RIF1: variants seen among roughly 807,000 people sequenced by gnomAD.
RIF1 encodes replication timing regulatory factor 1.
In RIF1, 45 loss-of-function variants were observed where a neutral mutation model predicts 247.1. The ratio of observed to expected loss-of-function variants is 0.18; its 90% CI spans 0.14 to 0.23. RIF1 has a LOEUF of 0.23. Ranked by LOEUF, RIF1 falls within the 10% of genes least tolerant of loss-of-function variation. RIF1 has a pLI of 1.00. For missense variants in RIF1, 2,967 were observed against 2,862.5 expected (o/e 1.04, Z -0.83); for synonymous variants, 1,087 against 978.8 (o/e 1.11, Z -2.06).
At chr2:151,526,911 T>C in the RIF1 span, 1 of 1,564,210 alleles carries the variant, frequency 6.4e-7, no homozygotes, top group Non-Finnish European at 8.7e-7. Flanking sequence ...AGGAACTAGG[T>C]ACTTACATCA....
At chr2:151,505,777 T>C (rs1458533637) in intron 12 of RIF1, among the ~76,000 whole-genome samples, 1 of 152,196 alleles carries the variant, frequency 6.6e-6, no homozygotes. Flanking sequence ...TGTCTCTCTC[T>C]CGTCTCTTTG....
intron 8 of RIF1, among the ~76,000 whole-genome samples, chr2:151,426,512 ACGAT>A (rs1015944283): frequency 6.6e-6 from 1 of 151,858 alleles, no homozygotes; most frequent in African/African-American, 2.4e-5. Flanking sequence ...TGTGAATTTG[ACGAT>A]CGACTTCTTT....
intron 25 of RIF1, among the ~76,000 whole-genome samples, chr2:151,459,343 A>G (rs1187998142): frequency 1.3e-5 from 2 of 152,238 alleles, no homozygotes; most frequent in Non-Finnish European, 2.9e-5. Flanking sequence ...ATATTTGATT[A>G]CTGCCTGAAG....
intron 10 of RIF1, chr2:151,498,369 C>G (rs1450994315): frequency 6.6e-7 from 1 of 1,509,982 alleles, no homozygotes; most frequent in Non-Finnish European, 9.0e-7. Context: ...GATGAGAAAG[C>G]ATCCAGAACA....
rs199712698 is a variant in RIF1 at position 151,457,896 on chromosome 2, C to G, written c.2788C>G (p.Gln930Glu). 6.2e-7 allele frequency: 1 copy of G among 1,613,830 alleles called. No individual in the cohort carries two copies. The highest frequency in any genetic ancestry group is 8.5e-7 in the Non-Finnish European group (1 of 1,179,872). Residue 930 changes from glutamine (Q) to glutamate (E), a missense_variant, in exon 24 of 36, where the codon CAG (glutamine) becomes GAG (glutamate). This residue lies in a region of RIF1 where 2,028 missense variants were observed against 1,825.6 expected (regional missense o/e 1.11). Transcript: ENST00000444746. Reference sequence around the variant, plus strand: ...GCACAAGAATAAACAGATTCGAAAACAGAGTGCTCAGTTCTGGAATGCCAC... The same window carrying G: ...GCACAAGAATAAACAGATTCGAAAAGAGAGTGCTCAGTTCTGGAATGCCAC... Reference protein sequence around the residue: ...FLHKNKQIRKQSAQFWNATFA... With the variant: ...FLHKNKQIRKESAQFWNATFA...
At chr2:151,427,525 A>AT (rs58446169) in intron 8 of RIF1, among the ~76,000 whole-genome samples, 49,950 of 134,406 alleles carry the variant, frequency 0.37, 8,689 homozygotes, top group African/African-American at 0.42. Context: ...TTTTTTTTTA[A>AT]TTTTTTTTTT....
intron 10 of RIF1, among the ~76,000 whole-genome samples, chr2:151,434,578 C>G (rs1382688369): frequency 3.3e-5 from 5 of 151,344 alleles, no homozygotes; most frequent in African/African-American, 1.2e-4. Flanking sequence ...GTAGCTGGGA[C>G]TACAGGCGCC....
At chr2:151,467,504 C>G (rs888162026) in intron 30 of RIF1, among the ~76,000 whole-genome samples, 2 of 151,972 alleles carry the variant, frequency 1.3e-5, no homozygotes. Flanking sequence ...GCCACTAAGC[C>G]CAGCTAATTT....
At chr2:151,432,998 A>G in intron 9 of RIF1, 79 bp from the exon 10 acceptor site, 1 of 1,100,032 alleles carries the variant, frequency 9.1e-7, no homozygotes, top group Non-Finnish European at 1.3e-6. Flanking sequence ...TGCTGTGATA[A>G]AAGACTGTTG....
At chr2:151,521,135 C>G in the RIF1 span, among the ~76,000 whole-genome samples, 2 of 152,104 alleles carry the variant, frequency 1.3e-5, no homozygotes, top group Non-Finnish European at 2.9e-5. Flanking sequence ...ACCAGTACCC[C>G]TCATGGTTCA....
chr2:151,524,654 C>CTTTTTTTTT, the RIF1 span: 35 of 257,382 alleles, frequency 1.4e-4, no homozygotes, highest in South Asian at 3.9e-4. Flanking sequence ...AAGAGAGAGG[C>CTTTTTTTTT]TTTTTTTTTT....
At chr2:151,522,291 T>C in the RIF1 span, among the ~76,000 whole-genome samples, 2 of 152,202 alleles carry the variant, frequency 1.3e-5, no homozygotes, top group Non-Finnish European at 2.9e-5. Flanking sequence ...ATTAAAAGTT[T>C]ATACTGTTGA....
chr2:151,492,399 C>T, intron 9 of RIF1: 1 of 1,604,272 alleles, frequency 6.2e-7, no homozygotes, highest in Middle Eastern at 1.7e-4. Flanking sequence ...TTGAGATGTG[C>T]CGTTGGGTCT....
At chr2:151,453,919 T>C (rs1471641864) in intron 21 of RIF1, among the ~76,000 whole-genome samples, 2 of 152,244 alleles carry the variant, frequency 1.3e-5, no homozygotes, top group Non-Finnish European at 2.9e-5. Context: ...TTTTCTCTAC[T>C]GTCTCTAATA....
Position 151,463,883 on chromosome 2 carries a change from C to CCAT in RIF1, c.4364_4366dup (p.Pro1455_Leu1456insSer). Reference sequence around the variant, plus strand: ...AGAAGAAAAACCTCTTCAGAAGAGTCCATTGCATATAAAAGATGATGTGTT... The same window carrying CCAT: ...AGAAGAAAAACCTCTTCAGAAGAGTCCATCATTGCATATAAAAGATGATGTGTT... On this transcript the variant is annotated inframe_insertion, in exon 30 of 36. Coordinates refer to ENST00000444746, the MANE Select transcript of RIF1 (RefSeq NM_018151.5). 6.2e-7 allele frequency: 1 copy of CCAT among 1,613,444 alleles called. No homozygotes were observed. The highest frequency in any genetic ancestry group is 8.5e-7 in the Non-Finnish European group (1 of 1,179,886).
chr2:151,507,800 G>GT, exon 14 of RIF1: 1 of 536,170 alleles, frequency 1.9e-6, no homozygotes, highest in Non-Finnish European at 3.3e-6. Context: ...CACCAACGAA[G>GT]TAACAGATGA....
the RIF1 span, chr2:151,525,141 A>G: frequency 6.5e-7 from 1 of 1,542,922 alleles, no homozygotes; most frequent in South Asian, 1.1e-5. Context: ...GGCCCCCAAG[A>G]GTGTTGAGAG....
chr2:151,414,757 T>C, intron 3 of RIF1, 66 bp from the exon 4 acceptor site: 1 of 1,112,110 alleles, frequency 9.0e-7, no homozygotes, highest in East Asian at 2.4e-5. Flanking sequence ...TGTAATCAAC[T>C]TCTGCTTTCT....
the RIF1 span, among the ~76,000 whole-genome samples, chr2:151,517,119 C>G: frequency 6.6e-6 from 1 of 152,118 alleles, no homozygotes; most frequent in African/African-American, 2.4e-5. Context: ...AAAATGAAAA[C>G]TAGTTTACAT....
Sources: gnomAD v4.1 joint callset for allele counts (sites outside exome capture counted in the v4.1 genomes callset) on GRCh38, gnomAD v4.1.1 for gene constraint, gnomAD v4.1.1 regional missense constraint, MANE v1.5 for transcripts, NCBI Gene and HGNC (gene_info 2026-07-23, HGNC 2026-07-21) for gene names.